GPR158: variants seen among roughly 807,000 people sequenced by gnomAD.
The protein encoded by GPR158 is G protein-coupled receptor 158.
Under a neutral mutation model 78.2 loss-of-function variants are expected in GPR158, and 30 were observed. The observed-to-expected ratio is 0.38, with a 90% CI of 0.29 to 0.52. The LOEUF is 0.52. Ranked by LOEUF, GPR158 falls within the 20% of genes least tolerant of loss-of-function variation. The pLI is 0.83. For missense variants in GPR158, 1,463 were observed against 1,523.5 expected (o/e 0.96, Z 0.66); for synonymous variants, 581 against 591.1 (o/e 0.98, Z 0.25).
chr10:25,509,886 G>A (rs1345696931), intron 5 of GPR158, among the ~76,000 whole-genome samples: 1 of 152,112 alleles, frequency 6.6e-6, no homozygotes, highest in Non-Finnish European at 1.5e-5. Context: ...GCTAATTTTT[G>A]TATTTTTAGT....
chr10:25,271,110 CTG>C (rs975058292), intron 2 of GPR158, among the ~76,000 whole-genome samples: 7 of 152,172 alleles, frequency 4.6e-5, no homozygotes, highest in African/African-American at 1.7e-4. Context: ...GCCCAGGTCA[CTG>C]TGCTTGGATC....
chr10:25,563,405 C>A (rs562013223), intron 6 of GPR158, among the ~76,000 whole-genome samples: 2 of 152,228 alleles, frequency 1.3e-5, no homozygotes, highest in African/African-American at 4.8e-5. Flanking sequence ...TCTCTTCTAC[C>A]ATTTCTACCT....
chr10:25,305,095 C>T (rs1244808942), intron 2 of GPR158, among the ~76,000 whole-genome samples: 1 of 152,140 alleles, frequency 6.6e-6, no homozygotes, highest in Non-Finnish European at 1.5e-5. Context: ...AAATAATCAT[C>T]CTATAGTTTG....
chr10:25,426,975 A>C (rs1472030528), intron 4 of GPR158, among the ~76,000 whole-genome samples: 2 of 74,346 alleles, frequency 2.7e-5, no homozygotes, highest in Admixed American at 2.1e-4. Flanking sequence ...CCAATAATTC[A>C]AATTAGATAG....
intron 5 of GPR158, among the ~76,000 whole-genome samples, chr10:25,491,546 C>A (rs898710918): frequency 7.2e-5 from 11 of 152,212 alleles, no homozygotes; most frequent in African/African-American, 2.6e-4. Context: ...TTCAAATATA[C>A]ATTTCTTAAA....
intron 5 of GPR158, among the ~76,000 whole-genome samples, chr10:25,513,200 T>C (rs896727392): frequency 2.0e-5 from 3 of 151,960 alleles, no homozygotes; most frequent in African/African-American, 7.2e-5. Flanking sequence ...TTTTTAATTA[T>C]AATTTCAGTC....
intron 4 of GPR158, among the ~76,000 whole-genome samples, chr10:25,427,801 C>G (rs1834845288): frequency 6.6e-6 from 1 of 152,174 alleles, no homozygotes; most frequent in South Asian, 2.1e-4. Flanking sequence ...CACCCCACAA[C>G]AGATTTCATC....
At chr10:25,375,101 T>C (rs577434694) in intron 2 of GPR158, among the ~76,000 whole-genome samples, 2 of 151,794 alleles carry the variant, frequency 1.3e-5, no homozygotes, top group African/African-American at 2.4e-5. Flanking sequence ...TGTGATAATA[T>C]CTCTTTGTGG....
chr10:25,253,090 T>C (rs1314894917), intron 2 of GPR158, among the ~76,000 whole-genome samples: 2 of 152,166 alleles, frequency 1.3e-5, no homozygotes, highest in Non-Finnish European at 2.9e-5. Context: ...GGTGCGTCCG[T>C]CACCCCTTTC....
chr10:25,515,373 C>CT (rs563932242), intron 5 of GPR158, among the ~76,000 whole-genome samples: 50 of 145,092 alleles, frequency 3.4e-4, no homozygotes, highest in Admixed American at 1.3e-3. Context: ...TTATCTATTT[C>CT]TTTTTTTTTT....
In GPR158 at chr10:25,207,391, C is replaced by A. The variant is rs76561526; in HGVS notation, c.903-13661C>A. 3.6e-3 allele frequency among the ~76,000 whole-genome samples: 551 copies of A among 152,158 alleles called. 2 individuals are homozygous for A. The highest frequency in any genetic ancestry group is 6.6e-3 in the Non-Finnish European group (449 of 68,000). Reference sequence around the variant, plus strand: ...TGAATCATAAGATAGAATAGTGGTCCCCAACGTTTTTGGCACAAGGGACTA... The same window carrying A: ...TGAATCATAAGATAGAATAGTGGTCACCAACGTTTTTGGCACAAGGGACTA... On this transcript the variant is annotated intron_variant, in intron 1 of 10. Coordinates refer to ENST00000376351, the MANE Select transcript of GPR158 (RefSeq NM_020752.3).
intron 4 of GPR158, among the ~76,000 whole-genome samples, chr10:25,439,687 C>A (rs748367964): frequency 6.6e-6 from 1 of 152,164 alleles, no homozygotes; most frequent in East Asian, 1.9e-4. Context: ...CTTGAGGATG[C>A]AGAGCTAATT....
At chr10:25,375,453 C>G (rs1302098806) in intron 2 of GPR158, among the ~76,000 whole-genome samples, 2 of 97,314 alleles carry the variant, frequency 2.1e-5, no homozygotes, top group Non-Finnish European at 5.1e-5. Flanking sequence ...GGTCTGACTT[C>G]TAATGTTTTT....
chr10:25,563,672 A>C (rs1024627207), intron 6 of GPR158, among the ~76,000 whole-genome samples: 2 of 148,624 alleles, frequency 1.3e-5, no homozygotes, highest in African/African-American at 4.8e-5. Flanking sequence ...ATTAATACCA[A>C]CTTTGTTTCA....
intron 1 of GPR158, among the ~76,000 whole-genome samples, chr10:25,186,320 A>C (rs988101140): frequency 2.6e-5 from 4 of 152,320 alleles, no homozygotes; most frequent in African/African-American, 9.6e-5. Flanking sequence ...GAACTAGAGA[A>C]GCAAGAGCAA....
intron 2 of GPR158, among the ~76,000 whole-genome samples, chr10:25,381,809 A>C (rs1834158774): frequency 6.6e-6 from 1 of 152,202 alleles, no homozygotes; most frequent in Non-Finnish European, 1.5e-5. Flanking sequence ...TTATTTTAGC[A>C]AAATATTTAA....
chr10:25,552,530 GTGCCTTATAGTTTTC>G (rs981559232), intron 6 of GPR158, among the ~76,000 whole-genome samples: 5 of 152,120 alleles, frequency 3.3e-5, no homozygotes, highest in Non-Finnish European at 7.3e-5. Flanking sequence ...AATACTTATG[GTGCCTTATAGTTTTC>G]TTATTTGTCT....
intron 5 of GPR158, among the ~76,000 whole-genome samples, chr10:25,530,069 T>C (rs1280506616): frequency 6.6e-6 from 1 of 152,134 alleles, no homozygotes; most frequent in Non-Finnish European, 1.5e-5. Context: ...CTTCTGCTTC[T>C]TATAGGTTGT....
chr10:25,238,099 G>A (rs371477499), intron 2 of GPR158, among the ~76,000 whole-genome samples: 16 of 128,860 alleles, frequency 1.2e-4, no homozygotes, highest in South Asian at 5.0e-4. Context: ...TTTAGTAATC[G>A]CTACTTCGCA....
Sources: allele counts gnomAD v4.1 joint callset (sites outside exome capture counted in the v4.1 genomes callset), GRCh38; gene constraint gnomAD v4.1.1; transcripts MANE v1.5; gene names NCBI Gene and HGNC (gene_info 2026-07-23, HGNC 2026-07-21).